The following XKR6 variants were observed in gnomAD, a reference collection of about 807,000 sequenced individuals.
XKR6 encodes the protein XK related 6.
XKR6 carries 22 observed loss-of-function variants against 56.7 expected under a neutral mutation model. That is an observed-to-expected ratio of 0.39 (90% CI 0.28 to 0.55). XKR6 has a LOEUF of 0.55. Among genes scored for constraint, XKR6 ranks in the 20% least tolerant of loss-of-function variants. The pLI is 0.66. For missense variants in XKR6, 852 were observed against 889.0 expected (o/e 0.96, Z 0.53); for synonymous variants, 524 against 387.8 (o/e 1.35, Z -4.13).
intron 1 of XKR6, among the ~76,000 whole-genome samples, chr8:10,939,111 C>G (rs1801311437): frequency 6.6e-6 from 1 of 152,138 alleles, no homozygotes; most frequent in African/African-American, 2.4e-5. Flanking sequence ...AAGGAATGAG[C>G]TCACAAACCC....
intron 1 of XKR6, among the ~76,000 whole-genome samples, chr8:11,097,353 C>A (rs7840980): frequency 0.059 from 9,050 of 152,104 alleles, 456 homozygotes; most frequent in African/African-American, 0.13. Context: ...AAACATTCCA[C>A]GAGAAGTTAG....
intron 1 of XKR6, among the ~76,000 whole-genome samples, chr8:11,194,023 G>C (rs553897708): frequency 3.9e-5 from 6 of 152,104 alleles, no homozygotes; most frequent in African/African-American, 1.4e-4. Flanking sequence ...CTATACATAG[G>C]TGACACAAAA....
chr8:10,927,152 C>G (rs1800912397), intron 1 of XKR6, among the ~76,000 whole-genome samples: 1 of 152,106 alleles, frequency 6.6e-6, no homozygotes, highest in African/African-American at 2.4e-5. Flanking sequence ...TGAGGGTGAG[C>G]CCCTGATGGA....
intron 1 of XKR6, among the ~76,000 whole-genome samples, chr8:11,031,956 C>G (rs1228485459): frequency 6.6e-6 from 1 of 152,200 alleles, no homozygotes; most frequent in Non-Finnish European, 1.5e-5. Context: ...GGAGATCCCC[C>G]CAGCAGGCAG....
chr8:10,972,722 A>G (rs1586375064), intron 1 of XKR6, among the ~76,000 whole-genome samples: 1 of 152,256 alleles, frequency 6.6e-6, no homozygotes, highest in Non-Finnish European at 1.5e-5. Context: ...GGGACTGGGG[A>G]GTCATTGTTT....
At chr8:11,053,454 G>C (rs541204444) in intron 1 of XKR6, among the ~76,000 whole-genome samples, 1 of 152,202 alleles carries the variant, frequency 6.6e-6, no homozygotes, top group African/African-American at 2.4e-5. Flanking sequence ...CTCCCAGAGA[G>C]CTGCATCTCT....
At chr8:11,113,438 C>A (rs1799004686) in intron 1 of XKR6, among the ~76,000 whole-genome samples, 1 of 152,090 alleles carries the variant, frequency 6.6e-6, no homozygotes. Flanking sequence ...TTATCTTCAA[C>A]CAAAAAATAT....
Position 11,045,229 on chromosome 8 carries a change from G to C in XKR6, c.765-120399C>G, listed in dbSNP as rs188397372. ...GCCTCCTGAGTAGCTAGAGACTACA[G>C]GCACACACCACCAGACCTGGCTAAT... On this transcript the variant is annotated intron_variant, in intron 1 of 2. Transcript: ENST00000416569. Among the ~76,000 whole-genome samples, 19 of 151,834 alleles carry C rather than the reference G, an allele frequency of 1.3e-4. No homozygotes were observed. The East Asian group carries it at 3.7e-3, about 29-fold the overall frequency.
At chr8:10,917,896 T>C (rs1251930593) in intron 2 of XKR6, among the ~76,000 whole-genome samples, 1 of 152,218 alleles carries the variant, frequency 6.6e-6, no homozygotes, top group Non-Finnish European at 1.5e-5. Context: ...CTCAAATGCT[T>C]GTTTCTAGCA....
At chr8:11,014,120 C>T (rs180906613) in intron 1 of XKR6, among the ~76,000 whole-genome samples, 2 of 152,300 alleles carry the variant, frequency 1.3e-5, no homozygotes, top group East Asian at 3.9e-4. Flanking sequence ...CATTTTTTAA[C>T]AGCCAGTAAA....
At chr8:11,012,804 C>T (rs1181851862) in intron 1 of XKR6, among the ~76,000 whole-genome samples, 1 of 152,158 alleles carries the variant, frequency 6.6e-6, no homozygotes, top group African/African-American at 2.4e-5. Context: ...TACATTTTAT[C>T]CCATGTCAGG....
chr8:11,051,933 C>A (rs777662549), intron 1 of XKR6, among the ~76,000 whole-genome samples: 1 of 152,160 alleles, frequency 6.6e-6, no homozygotes, highest in African/African-American at 2.4e-5. Context: ...TACAGAGGTG[C>A]GCGTGTGCCA....
At chr8:10,977,938 G>A (rs185716583) in intron 1 of XKR6, among the ~76,000 whole-genome samples, 66 of 152,234 alleles carry the variant, frequency 4.3e-4, no homozygotes, top group African/African-American at 1.4e-3. Flanking sequence ...GATGACTCCA[G>A]AACGTACCAT....
At chr8:10,963,661 C>T (rs921357736) in intron 1 of XKR6, among the ~76,000 whole-genome samples, 6 of 152,116 alleles carry the variant, frequency 3.9e-5, no homozygotes, top group African/African-American at 1.4e-4. Context: ...CCCACCTCAG[C>T]CTCCCAACCT....
At chr8:11,148,496 G>A (rs1004428586) in intron 1 of XKR6, among the ~76,000 whole-genome samples, 1 of 152,196 alleles carries the variant, frequency 6.6e-6, no homozygotes, top group South Asian at 2.1e-4. Flanking sequence ...AAGCGCCCCA[G>A]TTTGTGGTTG....
rs148822478 is a variant in XKR6 at position 11,191,137 on chromosome 8, G to C, written c.764+9439C>G. The stretch of plus-strand genomic sequence containing the variant: ...AACACGAAGCTTAAACTCATTAACT[G>C]TTTACTGGCAACCCATTCAACAGAC... On this transcript the variant is annotated intron_variant, in intron 1 of 2. Coordinates refer to ENST00000416569, the MANE Select transcript of XKR6 (RefSeq NM_173683.4). Among the ~76,000 whole-genome samples, 66 of 152,244 alleles carry C rather than the reference G, an allele frequency of 4.3e-4. 2 individuals are homozygous for C. In the East Asian group the frequency reaches 9.8e-3, roughly 23 times the overall value.
intron 1 of XKR6, among the ~76,000 whole-genome samples, chr8:10,925,290 C>T (rs1439775167): frequency 6.6e-6 from 1 of 152,214 alleles, no homozygotes; most frequent in Non-Finnish European, 1.5e-5. Flanking sequence ...GAAGCTCCTA[C>T]TACGTGCCAT....
chr8:11,139,302 C>T (rs1024577128), intron 1 of XKR6, among the ~76,000 whole-genome samples: 28 of 152,100 alleles, frequency 1.8e-4, no homozygotes, highest in East Asian at 3.8e-4. Context: ...TCATTTCTTA[C>T]GTAACTCAAA....
At chr8:11,089,891 T>A (rs1378262366) in intron 1 of XKR6, among the ~76,000 whole-genome samples, 2 of 152,192 alleles carry the variant, frequency 1.3e-5, no homozygotes, top group Non-Finnish European at 2.9e-5. Flanking sequence ...TATATACTTA[T>A]TCATATGCAC....
Sources: gnomAD v4.1 joint callset for allele counts (sites outside exome capture counted in the v4.1 genomes callset) on GRCh38, gnomAD v4.1.1 for gene constraint, MANE v1.5 for transcripts, NCBI Gene and HGNC (gene_info 2026-07-23, HGNC 2026-07-21) for gene names.